The following IGSF11 variants were observed in gnomAD, a reference collection of about 807,000 sequenced individuals.
IGSF11 encodes the protein immunoglobulin superfamily member 11, also known as CXADR like 1.
IGSF11 carries 22 observed loss-of-function variants against 41.0 expected under a neutral mutation model. That is an observed-to-expected ratio of 0.54 (90% confidence interval 0.38 to 0.77). The LOEUF (loss-of-function observed/expected upper bound fraction) is 0.77. Ranked by LOEUF, IGSF11 falls within the 30% of genes least tolerant of loss-of-function variation. The pLI, the probability that IGSF11 is intolerant of heterozygous loss-of-function variation, is 0.00. For synonymous variants in IGSF11, 219 were observed against 201.3 expected (o/e 1.09, Z -0.74); for missense variants, 444 against 530.8 (o/e 0.84, Z 1.61).
At chr3:119,123,058 C>CCAGG (rs1369321405) in intron 1 of IGSF11, among the ~76,000 whole-genome samples, 5 of 152,274 alleles carry the variant, frequency 3.3e-5, no homozygotes, top group Middle Eastern at 3.4e-3. Flanking sequence ...AATCCTGATT[C>CCAGG]CAGGCCTTGG....
At chr3:119,068,340 AT>A (rs1252537517) in intron 1 of IGSF11, among the ~76,000 whole-genome samples, 1 of 152,228 alleles carries the variant, frequency 6.6e-6, no homozygotes, top group Non-Finnish European at 1.5e-5. Flanking sequence ...GCTTGAGTAC[AT>A]TATTGCCCCC....
At chr3:119,073,222 G>A (rs1368575980) in intron 1 of IGSF11, among the ~76,000 whole-genome samples, 1 of 152,174 alleles carries the variant, frequency 6.6e-6, no homozygotes, top group Non-Finnish European at 1.5e-5. Flanking sequence ...GCTGATTGGT[G>A]CATTCACAAA....
In IGSF11 at chr3:118,901,551, T is replaced by A. The variant is rs993324807; in HGVS notation, c.*969A>T. 9 of 152,116 alleles carry A rather than the reference T, an allele frequency of 5.9e-5. No individual in the cohort carries two copies. Among genetic ancestry groups the A allele is most frequent in the African/African-American group, 2.2e-4 (9 of 41,414 alleles). The allele number at this position is 152,116 out of a possible 1,614,324, so 9.4% of individuals were successfully genotyped here. ...TGCCCTCATTAATAGTAACCTACTGTAATAGCAAGGGAGATCTGAACAACC... is the reference window on the plus strand; with the variant it reads ...TGCCCTCATTAATAGTAACCTACTGAAATAGCAAGGGAGATCTGAACAACC... On this transcript the variant is annotated 3_prime_UTR_variant, in exon 7 of 7. Coordinates refer to ENST00000393775, the MANE Select transcript of IGSF11 (RefSeq NM_001015887.3).
At chr3:119,049,153 T>C (rs1466200816) in intron 1 of IGSF11, among the ~76,000 whole-genome samples, 1 of 151,582 alleles carries the variant, frequency 6.6e-6, no homozygotes, top group Non-Finnish European at 1.5e-5. Context: ...GCCAGGGCAA[T>C]TAGGCAGGAG....
At chr3:119,006,680 A>C (rs1937520072) in intron 1 of IGSF11, among the ~76,000 whole-genome samples, 1 of 141,580 alleles carries the variant, frequency 7.1e-6, no homozygotes, top group Admixed American at 7.1e-5. Context: ...TTTCCTTCTA[A>C]CAGACAGGAC....
chr3:118,905,797 A>G, intron 4 of IGSF11, 79 bp from the exon 5 acceptor site: 1 of 1,499,798 alleles, frequency 6.7e-7, no homozygotes, highest in Non-Finnish European at 9.2e-7. Flanking sequence ...AGACCATAAA[A>G]ACAGACGAAC....
intron 1 of IGSF11, among the ~76,000 whole-genome samples, chr3:119,031,150 G>A (rs1381059818): frequency 7.9e-5 from 12 of 152,040 alleles, no homozygotes; most frequent in South Asian, 4.2e-4. Context: ...CTGGCTACTC[G>A]GGAGGCTGAG....
chr3:118,991,845 G>A (rs1489399172), intron 1 of IGSF11, among the ~76,000 whole-genome samples: 1 of 152,200 alleles, frequency 6.6e-6, no homozygotes, highest in Non-Finnish European at 1.5e-5. Flanking sequence ...CACAAGGTCT[G>A]GAAAAGATAG....
intron 1 of IGSF11, among the ~76,000 whole-genome samples, chr3:119,047,880 C>G (rs1306911196): frequency 2.0e-5 from 3 of 152,106 alleles, no homozygotes; most frequent in Non-Finnish European, 4.4e-5. Flanking sequence ...AACTGAACAA[C>G]CTGCTCCTGA....
At chr3:118,941,148 T>A (rs1225277324) in intron 1 of IGSF11, among the ~76,000 whole-genome samples, 1 of 151,836 alleles carries the variant, frequency 6.6e-6, no homozygotes, top group Non-Finnish European at 1.5e-5. Flanking sequence ...AAAACAATAA[T>A]AAAACAAGGT....
At chr3:119,031,175 A>G (rs1299082868) in intron 1 of IGSF11, among the ~76,000 whole-genome samples, 2 of 152,124 alleles carry the variant, frequency 1.3e-5, no homozygotes, top group Admixed American at 6.6e-5. Flanking sequence ...GAGAACTGCT[A>G]GAACCCAGGA....
intron 4 of IGSF11, among the ~76,000 whole-genome samples, chr3:118,912,715 G>A (rs566024837): frequency 1.2e-4 from 19 of 152,208 alleles, no homozygotes; most frequent in African/African-American, 4.3e-4. Context: ...ACAAACAGGA[G>A]GATTAGCATA....
chr3:118,921,686 A>G (rs1334014709), intron 4 of IGSF11, among the ~76,000 whole-genome samples: 1 of 152,148 alleles, frequency 6.6e-6, no homozygotes, highest in Non-Finnish European at 1.5e-5. Context: ...AACTATGTCC[A>G]CTGTCTCCAG....
At chr3:119,043,828 C>T (rs760233064) in intron 1 of IGSF11, among the ~76,000 whole-genome samples, 1 of 152,166 alleles carries the variant, frequency 6.6e-6, no homozygotes, top group Non-Finnish European at 1.5e-5. Context: ...TGCAGTCCAG[C>T]TTTCAAGAAG....
intron 1 of IGSF11, among the ~76,000 whole-genome samples, chr3:118,957,298 C>T (rs1945031581): frequency 6.6e-6 from 1 of 152,160 alleles, no homozygotes; most frequent in Admixed American, 6.5e-5. Flanking sequence ...AAATGCTAAT[C>T]TCAGCTAGAA....
intron 1 of IGSF11, among the ~76,000 whole-genome samples, chr3:118,955,557 T>C (rs1006836996): frequency 3.3e-5 from 5 of 152,148 alleles, no homozygotes; most frequent in Admixed American, 6.6e-5. Context: ...CTTGTACAGC[T>C]CCATCAGCAC....
intron 1 of IGSF11, among the ~76,000 whole-genome samples, chr3:119,070,177 T>C (rs1439921456): frequency 6.6e-6 from 1 of 152,184 alleles, no homozygotes; most frequent in Admixed American, 6.5e-5. Flanking sequence ...AACAGTAGAT[T>C]ATGTAATTTT....
intron 1 of IGSF11, among the ~76,000 whole-genome samples, chr3:119,002,285 T>A (rs1337392237): frequency 4.7e-5 from 7 of 148,002 alleles, no homozygotes; most frequent in South Asian, 2.2e-4. Context: ...GAGAAGTGTC[T>A]GTTCATGTCC....
At chr3:119,105,278 T>A, upstream of IGSF11, 1 of 897,026 alleles carries the variant, frequency 1.1e-6, no homozygotes, top group East Asian at 2.7e-5. Context: ...TTTTTTAAAA[T>A]TTTTAAATAG....
Sources: allele counts gnomAD v4.1 joint callset (sites outside exome capture counted in the v4.1 genomes callset), GRCh38; gene constraint gnomAD v4.1.1; transcripts MANE v1.5; gene names NCBI Gene and HGNC (gene_info 2026-07-23, HGNC 2026-07-21).